The following KIF23 variants were observed in gnomAD, a reference collection of about 807,000 sequenced individuals.
The protein encoded by KIF23 is kinesin-like protein KIF23.
In KIF23, 30 loss-of-function variants were observed where a neutral mutation model predicts 137.5. That is an observed-to-expected ratio of 0.22 (90% CI 0.16 to 0.30). The LOEUF (loss-of-function observed/expected upper bound fraction) is 0.30, where lower values mean the gene tolerates loss of function less well. Among genes scored for constraint, KIF23 ranks in the 10% least tolerant of loss-of-function variants. The pLI is 1.00. For missense variants in KIF23, 920 were observed against 1,194.3 expected (o/e 0.77, Z 3.38); for synonymous variants, 367 against 391.1 (o/e 0.94, Z 0.73).
rs576393056 is a variant in KIF23, at chr15:69,440,896, A to G, written c.2238A>G (p.Lys746=). 6.2e-7 allele frequency: 1 copy of G among 1,614,194 alleles called. No homozygotes were observed. The highest frequency in any genetic ancestry group is 1.1e-5 in the South Asian group (1 of 91,082). Residue 746 remains lysine, a synonymous_variant, in exon 19 of 24, where the codon AAA becomes AAG. Coordinates refer to ENST00000679126, the MANE Select transcript of KIF23 (RefSeq NM_001367805.3). ...CCTGTATTTCGGAATGGGAGCAGAA[A>G]ATTCCTACGTACAACACACCTCTCA... ...VASCISEWEQ[K]IPTYNTPLKV...
At chr15:69,418,477 C>T (rs1488782265) in intron 3 of KIF23, among the ~76,000 whole-genome samples, 2 of 152,168 alleles carry the variant, frequency 1.3e-5, no homozygotes, top group African/African-American at 4.8e-5. Context: ...AGGAATGGCA[C>T]TATCGTGTGT....
chr15:69,421,408 C>T (rs1484748050), intron 3 of KIF23, among the ~76,000 whole-genome samples: 3 of 152,086 alleles, frequency 2.0e-5, no homozygotes, highest in Admixed American at 6.6e-5. Flanking sequence ...GAGTTTTCTA[C>T]ATTTTCTTTA....
At chr15:69,416,158 G>A in intron 2 of KIF23, 95 bp downstream of exon 2, 1 of 741,918 alleles carries the variant, frequency 1.3e-6, no homozygotes. Flanking sequence ...GAAAGAAGAA[G>A]ACATGTGGAA....
intron 18 of KIF23, 139 bp from the exon 19 acceptor site, chr15:69,440,629 A>G (rs781621014): frequency 3.5e-5 from 39 of 1,127,088 alleles, no homozygotes; most frequent in Non-Finnish European, 4.7e-5. Context: ...TTTAGAATAA[A>G]CACAAATTTA....
chr15:69,421,576 T>A, intron 3 of KIF23, 71 bp from the exon 4 acceptor site: 1 of 935,026 alleles, frequency 1.1e-6, no homozygotes, highest in Non-Finnish European at 1.7e-6. Context: ...ACACCTTAAG[T>A]TTAAGGAGAT....
chr15:69,426,488 T>C, intron 10 of KIF23, 31 bp downstream of exon 10: 1 of 1,605,540 alleles, frequency 6.2e-7, no homozygotes, highest in Non-Finnish European at 8.5e-7. Context: ...GTTTTTCTGG[T>C]TCTAACTCTA....
intron 2 of KIF23, among the ~76,000 whole-genome samples, chr15:69,417,083 G>T (rs1381296794): frequency 6.6e-6 from 1 of 152,114 alleles, no homozygotes; most frequent in Non-Finnish European, 1.5e-5. Context: ...TTGACTTTTA[G>T]AGATATTAGT....
intron 8 of KIF23, 41 bp downstream of exon 8, chr15:69,425,364 C>A: frequency 1.3e-6 from 2 of 1,492,360 alleles, no homozygotes; most frequent in Non-Finnish European, 1.8e-6. Flanking sequence ...GAGAAGGGTG[C>A]AGTTATACTA....
In KIF23 at chr15:69,434,639, A is replaced by G. The variant is rs902522501; in HGVS notation, c.1115-844A>G. The G allele has an allele frequency of 5.5e-6, 8 of 1,461,174 alleles. No homozygotes were observed. In the East Asian group the frequency reaches 1.6e-4, roughly 29 times the overall value. 90.5% of individuals were successfully genotyped at this position (1,461,174 alleles called of 1,614,324 possible). ...ATAGTTGATGATGTAGGGGATGGAA[A>G]AAGTCATGGAGGATGTCTCACCCTC... On this transcript the variant is annotated intron_variant, in intron 11 of 23. Transcript: ENST00000679126.
chr15:69,414,618 C>G (rs1018081375), intron 1 of KIF23, 142 bp downstream of exon 1: 2 of 950,088 alleles, frequency 2.1e-6, no homozygotes, highest in African/African-American at 3.5e-5. Context: ...CGGCCGCGAC[C>G]CCAAAGTGGG....
Position 69,444,888 on chromosome 15 carries a change from T to C in KIF23, c.2520T>C (p.Ser840=). The change falls in exon 20 of 24, where the codon TCT becomes TCC. Residue 840 remains serine (S), a synonymous_variant. Transcript: ENST00000679126. This position sits in a 1 kb window ranked among gnomAD's most constrained non-coding sequence, Gnocchi z 4.2. ...GDRWVDHKPA[S]NMQTETVMQP... ...GATGGGTAGATCATAAGCCCGCCTC[T>C]AACATGCAAACTGAAACAGTCATGC... 2 of 1,614,202 alleles carry C rather than the reference T, an allele frequency of 1.2e-6. No homozygotes were observed. The highest frequency in any genetic ancestry group is 8.5e-7 in the Non-Finnish European group (1 of 1,180,040).
rs1368607534 is a variant in KIF23 at position 69,431,137 on chromosome 15, G to A, written c.1114+1924G>A. On this transcript the variant is annotated intron_variant, in intron 11 of 23. Coordinates refer to ENST00000679126, the MANE Select transcript of KIF23 (RefSeq NM_001367805.3). ...AACACTGAGAGCTAGTTAGGATGTG[G>A]AGAATAAGGAGGTGTTTGATTGAGG... is the stretch of plus-strand genomic sequence containing the variant. Among the ~76,000 whole-genome samples the A allele has an allele frequency of 4.6e-5, 7 of 152,362 alleles. No homozygotes were observed. In the East Asian group the frequency reaches 9.6e-4, roughly 21 times the overall value.
intron 19 of KIF23, among the ~76,000 whole-genome samples, chr15:69,442,875 C>G (rs1406331447): frequency 6.6e-6 from 1 of 152,070 alleles, no homozygotes; most frequent in Non-Finnish European, 1.5e-5. Flanking sequence ...GTTTGTTGGT[C>G]AAAAATTATG....
At position 69,433,655 on chromosome 15, in the gene KIF23, C is replaced by A. The variant is rs575915187; in HGVS notation, c.1115-1828C>A. ...ACCCATCTGTGTAAAAATTGTCTTC[C>A]ATGAAACTGGTCCCTGATGCCAGAA... On this transcript the variant is annotated intron_variant, in intron 11 of 23. Coordinates refer to ENST00000679126, the MANE Select transcript of KIF23 (RefSeq NM_001367805.3). 2.3e-4 allele frequency among the ~76,000 whole-genome samples: 35 copies of A among 152,300 alleles called. 1 individual carries two copies. The highest frequency in any genetic ancestry group is 7.2e-4 in the African/African-American group (30 of 41,556).
chr15:69,420,066 A>G (rs1305175446), intron 3 of KIF23, among the ~76,000 whole-genome samples: 2 of 152,142 alleles, frequency 1.3e-5, no homozygotes, highest in Admixed American at 1.3e-4. Flanking sequence ...GGAGTTCGAG[A>G]CTAGCTTGGC....
At position 69,435,538 on chromosome 15, in the gene KIF23, G is replaced by A. The variant is rs748203401; in HGVS notation, c.1170G>A (p.Glu390=). The A allele has an allele frequency of 6.2e-7, 1 of 1,614,088 alleles. No homozygotes were observed. The highest frequency in any genetic ancestry group is 8.5e-7 in the Non-Finnish European group (1 of 1,179,976). Residue 390 remains glutamate (E), a synonymous_variant, in exon 12 of 24, where the codon GAG becomes GAA. Coordinates refer to ENST00000679126, the MANE Select transcript of KIF23 (RefSeq NM_001367805.3). ...GAACATGTATGGATGTCCTAAGAGA[G>A]AACCAAATGTATGGAACTAACAAGG... The part of the protein sequence containing the change: ...TLRTCMDVLR[E]NQMYGTNKMV...
chr15:69,437,976 A>G (rs2057523353), intron 15 of KIF23, among the ~76,000 whole-genome samples: 1 of 152,244 alleles, frequency 6.6e-6, no homozygotes, highest in South Asian at 2.1e-4. Flanking sequence ...GTTGTGAAGC[A>G]AAGTACCTGT....
chr15:69,428,841 A>G (rs2057280094), intron 10 of KIF23, among the ~76,000 whole-genome samples: 2 of 152,116 alleles, frequency 1.3e-5, no homozygotes, highest in African/African-American at 4.8e-5. Context: ...GTGATAAGGT[A>G]GTAAAAGACA....
At chr15:69,429,419 T>G (rs1485747801) in intron 11 of KIF23, among the ~76,000 whole-genome samples, 5 of 152,152 alleles carry the variant, frequency 3.3e-5, no homozygotes, top group Non-Finnish European at 7.3e-5. Context: ...ATTCTCCCAT[T>G]GTAACCTTCT....
Sources: allele counts gnomAD v4.1 joint callset (sites outside exome capture counted in the v4.1 genomes callset), GRCh38; gene constraint gnomAD v4.1.1; non-coding constraint Gnocchi (gnomAD v3.1); transcripts MANE v1.5; gene names NCBI Gene and HGNC (gene_info 2026-07-23, HGNC 2026-07-21).